Variants in RTF2 observed in about 807,000 individuals in gnomAD.
RTF2 encodes replication termination factor 2.
In RTF2, 18 loss-of-function variants were observed where a neutral mutation model predicts 38.0. The ratio of observed to expected loss-of-function variants is 0.47; its 90% CI spans 0.33 to 0.70. The LOEUF is 0.70. Ranked by LOEUF, RTF2 falls within the 30% of genes least tolerant of loss-of-function variation. The pLI is 0.02. For missense variants in RTF2, 311 were observed against 379.6 expected, an observed-to-expected ratio of 0.82 and a Z score of 1.50; for synonymous variants, 126 against 137.1, an observed-to-expected ratio of 0.92 and a Z score of 0.57.
chr20:56,495,347 C>G, intron 5 of RTF2: 2 of 1,358,420 alleles, frequency 1.5e-6, no homozygotes, highest in Non-Finnish European at 2.1e-6. Context: ...CTTCCCAGTT[C>G]TTTTAGTACA....
At chr20:56,498,442 C>G (rs1017934527) in intron 5 of RTF2, among the ~76,000 whole-genome samples, 1 of 151,716 alleles carries the variant, frequency 6.6e-6, no homozygotes, top group Non-Finnish European at 1.5e-5. Context: ...TGGTGGTGCC[C>G]TGATTATCCC....
intron 5 of RTF2, among the ~76,000 whole-genome samples, chr20:56,507,274 C>T (rs1600828137): frequency 6.6e-6 from 1 of 152,048 alleles, no homozygotes; most frequent in African/African-American, 2.4e-5. Context: ...CCTTGTTTTC[C>T]CTCATCCTTC....
chr20:56,508,325 G>C (rs1223670154), intron 5 of RTF2, among the ~76,000 whole-genome samples: 3 of 152,148 alleles, frequency 2.0e-5, no homozygotes, highest in Non-Finnish European at 4.4e-5. Flanking sequence ...GGCTTTTCTT[G>C]TGCTGATAAT....
At chr20:56,517,928 T>C (rs931364268) in intron 8 of RTF2, among the ~76,000 whole-genome samples, 159 bp from the exon 9 acceptor site, 1 of 152,186 alleles carries the variant, frequency 6.6e-6, no homozygotes, top group Admixed American at 6.5e-5. Flanking sequence ...CTGTGTCTGC[T>C]TTGCTGGAGT....
intron 1 of RTF2, among the ~76,000 whole-genome samples, chr20:56,473,088 G>A (rs912244098): frequency 5.9e-5 from 9 of 152,072 alleles, no homozygotes; most frequent in Admixed American, 2.6e-4. Context: ...TGAAGATTGC[G>A]CCACTACACT....
chr20:56,510,002 ATGTATAT>A (rs1255638980), intron 5 of RTF2, among the ~76,000 whole-genome samples: 2 of 151,446 alleles, frequency 1.3e-5, no homozygotes, highest in Non-Finnish European at 2.9e-5. Context: ...AAAAAAAAAC[ATGTATAT>A]TGTATGATTT....
chr20:56,517,756 C>T (rs1427877382), intron 8 of RTF2, among the ~76,000 whole-genome samples: 2 of 152,138 alleles, frequency 1.3e-5, no homozygotes, highest in African/African-American at 2.4e-5. Context: ...GGGTGGCTGA[C>T]AGGCTCCCAT....
At chr20:56,503,190 G>C (rs74551992) in intron 5 of RTF2, among the ~76,000 whole-genome samples, 18 of 152,232 alleles carry the variant, frequency 1.2e-4, no homozygotes, top group African/African-American at 1.9e-4. Flanking sequence ...GTCCAAAGCA[G>C]CCTCAATGTT....
At chr20:56,508,632 C>T (rs552455541) in intron 5 of RTF2, among the ~76,000 whole-genome samples, 1 of 152,114 alleles carries the variant, frequency 6.6e-6, no homozygotes, top group African/African-American at 2.4e-5. Context: ...AGTCATGTTA[C>T]CTACACTAAT....
In RTF2 at chr20:56,509,660, G is replaced by A. The variant is rs1984516115; in HGVS notation, c.478-3655G>A. Among the ~76,000 whole-genome samples, 5 of 152,046 alleles carry A rather than the reference G, an allele frequency of 3.3e-5. No homozygotes were observed. The South Asian group carries it at 8.3e-4, about 25-fold the overall frequency. The stretch of plus-strand genomic sequence containing the variant: ...GATGACAGGTGTTGGGAAGGATGTG[G>A]AGAAATGAGAATCCTCAGGCATTGC... On this transcript the variant is annotated intron_variant, in intron 5 of 8. Transcript: ENST00000357348.
intron 6 of RTF2, among the ~76,000 whole-genome samples, chr20:56,514,495 C>T (rs1337370748): frequency 6.6e-6 from 1 of 152,078 alleles, no homozygotes; most frequent in Non-Finnish European, 1.5e-5. Context: ...CCTGCCCTCG[C>T]GTGGGTGTGC....
chr20:56,508,180 A>C (rs752374772), intron 5 of RTF2, among the ~76,000 whole-genome samples: 1 of 152,198 alleles, frequency 6.6e-6, no homozygotes, highest in Non-Finnish European at 1.5e-5. Flanking sequence ...TCACTGTTGG[A>C]GACAAGAACC....
chr20:56,489,514 G>A (rs1982980336), intron 5 of RTF2, among the ~76,000 whole-genome samples: 1 of 152,102 alleles, frequency 6.6e-6, no homozygotes, highest in African/African-American at 2.4e-5. Context: ...TAGCTGCCTG[G>A]TCCAAATCCC....
At chr20:56,485,058 T>C (rs1486210619) in intron 5 of RTF2, among the ~76,000 whole-genome samples, 1 of 152,144 alleles carries the variant, frequency 6.6e-6, no homozygotes, top group Non-Finnish European at 1.5e-5. Context: ...GCCCTTGCCC[T>C]CCTGCATCCC....
At chr20:56,517,439 G>A (rs951682388) in intron 8 of RTF2, among the ~76,000 whole-genome samples, 5 of 152,154 alleles carry the variant, frequency 3.3e-5, no homozygotes, top group Non-Finnish European at 7.3e-5. Flanking sequence ...TTAGATTCCT[G>A]TCGAGTAAGT....
At chr20:56,487,766 G>C (rs1377452715) in intron 5 of RTF2, among the ~76,000 whole-genome samples, 1 of 152,220 alleles carries the variant, frequency 6.6e-6, no homozygotes, top group East Asian at 1.9e-4. Context: ...ATCAGGGTTA[G>C]TTTCTTCTGA....
intron 3 of RTF2, 41 bp downstream of exon 3, chr20:56,474,812 G>A (rs1297274597): frequency 1.6e-6 from 2 of 1,264,798 alleles, no homozygotes; most frequent in Non-Finnish European, 2.2e-6. Context: ...GGTCTGAACA[G>A]TGGCTGAGGT....
intron 5 of RTF2, 140 bp from the exon 6 acceptor site, chr20:56,513,175 A>G: frequency 8.3e-7 from 1 of 1,207,260 alleles, no homozygotes. Flanking sequence ...TTTCCAAACC[A>G]AGGCTTTGAC....
At chr20:56,478,145 A>G (rs1982351801) in intron 4 of RTF2, among the ~76,000 whole-genome samples, 1 of 152,182 alleles carries the variant, frequency 6.6e-6, no homozygotes, top group Admixed American at 6.5e-5. Context: ...AATAAAACAA[A>G]TATTACTGGA....
Sources: gnomAD v4.1 joint callset for allele counts (sites outside exome capture counted in the v4.1 genomes callset) on GRCh38, gnomAD v4.1.1 for gene constraint, MANE v1.5 for transcripts, NCBI Gene and HGNC (gene_info 2026-07-23, HGNC 2026-07-21) for gene names.